The following NEK6 variants were observed in gnomAD, a reference collection of about 807,000 sequenced individuals.
NEK6 encodes serine/threonine-protein kinase Nek6.
NEK6 carries 27 observed loss-of-function variants against 43.5 expected under a neutral mutation model. That is an observed-to-expected ratio of 0.62 (90% CI 0.46 to 0.86). The LOEUF is 0.86. NEK6 is among the 40% of genes least tolerant of loss of function. The pLI, the probability that NEK6 is intolerant of heterozygous loss-of-function variation, is 0.00. For synonymous variants in NEK6, 167 were observed against 164.1 expected (o/e 1.02, Z -0.14); for missense variants, 318 against 414.4 (o/e 0.77, Z 2.02).
chr9:124,293,033 C>T (rs1361131590), intron 1 of NEK6: 15 of 1,501,240 alleles, frequency 1.0e-5, no homozygotes, highest in Non-Finnish European at 1.2e-5. Flanking sequence ...AGATCATTTC[C>T]CAGGCAGGCA....
At chr9:124,260,540 G>A (rs1029735451) in intron 1 of NEK6, among the ~76,000 whole-genome samples, 1 of 152,142 alleles carries the variant, frequency 6.6e-6, no homozygotes, top group Admixed American at 6.5e-5. Flanking sequence ...GGGATTATAG[G>A]CAGGTGCCAC....
chr9:124,313,973 C>A lies in NEK6; in HGVS notation c.282C>A (p.Ile94=). Residue 94 remains isoleucine, a synonymous_variant, in exon 4 of 10, where the codon ATC becomes ATA. Transcript: ENST00000320246. The part of the protein sequence containing the change: ...AKARQDCVKE[I]GLLKQLNHPN... The stretch of plus-strand genomic sequence containing the variant: ...CGAGGCAGGACTGTGTCAAGGAGAT[C>A]GGCCTCTTGAAGGTGAGCACCCTGG... The A allele has an allele frequency of 1.2e-6, 2 of 1,614,144 alleles. No homozygotes were observed. Among genetic ancestry groups the A allele is most frequent in the East Asian group, 2.2e-5 (1 of 44,878 alleles).
chr9:124,341,619 A>G (rs578120785), intron 8 of NEK6, among the ~76,000 whole-genome samples: 11 of 152,080 alleles, frequency 7.2e-5, no homozygotes, highest in South Asian at 6.3e-4. Flanking sequence ...TGTGTAGTGG[A>G]TGGGGAAGGG....
intron 1 of NEK6, among the ~76,000 whole-genome samples, chr9:124,281,297 G>C (rs1831891623): frequency 1.3e-5 from 2 of 152,092 alleles, no homozygotes; most frequent in Admixed American, 1.3e-4. Flanking sequence ...GGAGAATGGA[G>C]GAGGCCGGCC....
chr9:124,278,883 G>T (rs1468421388), intron 1 of NEK6, among the ~76,000 whole-genome samples: 2 of 152,140 alleles, frequency 1.3e-5, no homozygotes, highest in Non-Finnish European at 2.9e-5. Flanking sequence ...GCAGTGCTGG[G>T]GAGGATCAGT....
chr9:124,281,480 GTTTTTTCTTTTTTTTTTTTTT>G (rs1831903011), intron 1 of NEK6, among the ~76,000 whole-genome samples: 1 of 114,858 alleles, frequency 8.7e-6, no homozygotes, highest in East Asian at 2.9e-4. Context: ...CATGTCAGCT[GTTTTTTCTTTTTTTTTTTTTT>G]TTTTTTTTTT....
At chr9:124,333,773 CTTTTTTTTT>C (rs148074227) in intron 7 of NEK6, among the ~76,000 whole-genome samples, 1 of 120,018 alleles carries the variant, frequency 8.3e-6, no homozygotes, top group Admixed American at 9.3e-5. Context: ...CATTTCAGTC[CTTTTTTTTT>C]TTTTTTTTTT....
chr9:124,281,104 G>A (rs565071306), intron 1 of NEK6, among the ~76,000 whole-genome samples: 29 of 152,304 alleles, frequency 1.9e-4, no homozygotes, highest in Non-Finnish European at 3.5e-4. Context: ...TGCATCTCCC[G>A]CTTTTCGCTT....
intron 7 of NEK6, among the ~76,000 whole-genome samples, chr9:124,329,212 G>C (rs548928216): frequency 6.6e-6 from 1 of 152,156 alleles, no homozygotes; most frequent in Non-Finnish European, 1.5e-5. Context: ...CAAGTGTTTC[G>C]GTCAGTTTGG....
intron 1 of NEK6, among the ~76,000 whole-genome samples, chr9:124,297,839 C>T (rs1832767314): frequency 6.6e-6 from 1 of 152,252 alleles, no homozygotes; most frequent in Non-Finnish European, 1.5e-5. Flanking sequence ...CTCCGTGTGG[C>T]TCGTCCTTCC....
rs1834359600 is a variant in NEK6, at chr9:124,326,737, T to C, written c.514+299T>C. Among the ~76,000 whole-genome samples the C allele has an allele frequency of 6.6e-6, 1 of 152,080 alleles. No homozygotes were observed. The highest frequency in any genetic ancestry group is 1.5e-5 in the Non-Finnish European group (1 of 67,976). On this transcript the variant is annotated intron_variant, in intron 6 of 9. Coordinates refer to ENST00000320246, the MANE Select transcript of NEK6 (RefSeq NM_014397.6). This position sits in a 1 kb window ranked among gnomAD's most constrained non-coding sequence, Gnocchi z 4.5. ...AAGCCTCGCACAGAGGGGACTTTCA[T>C]GGGGGCTTTGCCGTCTCAGCGGGCT... is the stretch of plus-strand genomic sequence containing the variant.
At chr9:124,298,492 G>A (rs1202983643) in intron 1 of NEK6, among the ~76,000 whole-genome samples, 1 of 152,028 alleles carries the variant, frequency 6.6e-6, no homozygotes, top group Non-Finnish European at 1.5e-5. Flanking sequence ...GTCTCCGGGG[G>A]CTCCTGCCCC....
chr9:124,320,455 C>T (rs778777432), intron 4 of NEK6, among the ~76,000 whole-genome samples: 5 of 152,226 alleles, frequency 3.3e-5, no homozygotes, highest in African/African-American at 9.6e-5. Flanking sequence ...CTTCTCCCAA[C>T]GACTTCCGGG....
intron 5 of NEK6, among the ~76,000 whole-genome samples, chr9:124,323,934 A>T (rs949490186): frequency 1.3e-5 from 2 of 152,092 alleles, no homozygotes; most frequent in African/African-American, 4.8e-5. Flanking sequence ...TGAGTCTAGG[A>T]TGGGTGTGGC....
chr9:124,298,488 G>T (rs186892287), intron 1 of NEK6, among the ~76,000 whole-genome samples: 2 of 152,136 alleles, frequency 1.3e-5, no homozygotes, highest in Admixed American at 1.3e-4. Context: ...CAGAGTCTCC[G>T]GGGGCTCCTG....
chr9:124,295,752 C>T (rs901398901), intron 1 of NEK6, among the ~76,000 whole-genome samples: 2 of 152,208 alleles, frequency 1.3e-5, no homozygotes, highest in African/African-American at 4.8e-5. Flanking sequence ...TTCTGGTGCT[C>T]CCTGCCAGCC....
At chr9:124,320,882 A>G (rs1834031015) in intron 4 of NEK6, among the ~76,000 whole-genome samples, 2 of 152,164 alleles carry the variant, frequency 1.3e-5, no homozygotes, top group South Asian at 4.1e-4. Flanking sequence ...GCTTGAACCT[A>G]GAAGTTCAGT....
intron 7 of NEK6, among the ~76,000 whole-genome samples, chr9:124,338,305 G>A (rs1390430584): frequency 6.6e-6 from 1 of 152,194 alleles, no homozygotes; most frequent in Non-Finnish European, 1.5e-5. Context: ...GCCCTTCCCT[G>A]ATGAGTAGTA....
intron 1 of NEK6, among the ~76,000 whole-genome samples, chr9:124,270,948 G>A (rs754460818): frequency 1.8e-4 from 28 of 152,264 alleles, no homozygotes; most frequent in Non-Finnish European, 3.7e-4. Flanking sequence ...CAGCCTGATG[G>A]GAGGGGCCAT....
Sources: gnomAD v4.1 joint callset for allele counts (sites outside exome capture counted in the v4.1 genomes callset) on GRCh38, gnomAD v4.1.1 for gene constraint, Gnocchi (gnomAD v3.1) non-coding constraint, MANE v1.5 for transcripts, NCBI Gene and HGNC (gene_info 2026-07-23, HGNC 2026-07-21) for gene names.